Variants in UGT1A4 observed in about 807,000 individuals in gnomAD.
UGT1A4 encodes UDP glucuronosyltransferase family 1 member A4.
A neutral mutation model predicts 41.1 loss-of-function variants in UGT1A4; 32 were observed. That is an observed-to-expected ratio of 0.78 (90% CI 0.59 to 1.05). UGT1A4 has a LOEUF of 1.05. Ranked by LOEUF, UGT1A4 falls within the 50% of genes least tolerant of loss-of-function variation. The pLI is 0.00. For missense variants in UGT1A4, 748 were observed against 677.4 expected (o/e 1.10, Z -1.16); for synonymous variants, 283 against 265.1 (o/e 1.07, Z -0.66).
In UGT1A4 at chr2:233,769,362, G is replaced by A. The variant is rs1315939386; in HGVS notation, c.1307+923G>A. On this transcript the variant is annotated intron_variant, in intron 4 of 4. Coordinates refer to ENST00000373409, the MANE Select transcript of UGT1A4 (RefSeq NM_007120.3). The surrounding 1 kb of genome is among the most constrained non-coding windows in gnomAD (Gnocchi z 4.4). ...ACCTTATGGGAAGAAGTGGTGGCCAGTGGTAGATTTCATCCGACAATAGAT... is the reference window on the plus strand; with the variant it reads ...ACCTTATGGGAAGAAGTGGTGGCCAATGGTAGATTTCATCCGACAATAGAT... Among the ~76,000 whole-genome samples, 1 of 152,244 alleles carries A rather than the reference G, an allele frequency of 6.6e-6. No homozygotes were observed.
At chr2:233,730,201 G>A (rs1312808089) in intron 1 of UGT1A4, among the ~76,000 whole-genome samples, 2 of 152,190 alleles carry the variant, frequency 1.3e-5, no homozygotes, top group Non-Finnish European at 2.9e-5. Context: ...AGAGGAAGAG[G>A]AAGTAGACAC....
chr2:233,724,899 C>G lies in UGT1A4; in HGVS notation c.867+5212C>G, dbSNP rs1488264154. On this transcript the variant is annotated intron_variant, in intron 1 of 4. Transcript: ENST00000373409. ...CGGAGATCACGCCACTGCACTCCAGCCTGGGCACCATTGAGCACTGAGTGA... is the reference window on the plus strand; with the variant it reads ...CGGAGATCACGCCACTGCACTCCAGGCTGGGCACCATTGAGCACTGAGTGA... Among the ~76,000 whole-genome samples the G allele has an allele frequency of 2.9e-5, 4 of 138,200 alleles. No homozygotes were observed. In the East Asian group the frequency reaches 8.6e-4, roughly 30 times the overall value. The allele number at this position is 138,200 out of a possible 152,430, so 90.7% of individuals were successfully genotyped here.
intron 1 of UGT1A4, chr2:233,754,945 G>A (rs1342760083): frequency 7.5e-7 from 1 of 1,327,414 alleles, no homozygotes; most frequent in Admixed American, 1.9e-5. Flanking sequence ...AAGGAGAATG[G>A]GTCCCGGCCG....
chr2:233,766,377 AATGT>A (rs1451884562), intron 1 of UGT1A4, among the ~76,000 whole-genome samples: 1 of 151,914 alleles, frequency 6.6e-6, no homozygotes, highest in Non-Finnish European at 1.5e-5. Context: ...AGTTCTTCTC[AATGT>A]CCAGCTGTCC....
In UGT1A4 at chr2:233,772,443, T is replaced by A; in HGVS notation, c.1489T>A (p.Leu497Met). 6.2e-7 allele frequency: 1 copy of A among 1,614,238 alleles called. No homozygotes were observed. The highest frequency in any genetic ancestry group is 8.5e-7 in the Non-Finnish European group (1 of 1,180,046). ...YHSLDVIGFLLAVVLTVAFIT... is the reference protein window; with the variant it reads ...YHSLDVIGFLMAVVLTVAFIT... ...TTCCTTGGACGTGATTGGTTTCCTCTTGGCCGTCGTGCTGACAGTGGCCTT... is the reference window on the plus strand; with the variant it reads ...TTCCTTGGACGTGATTGGTTTCCTCATGGCCGTCGTGCTGACAGTGGCCTT... Residue 497 changes from leucine (L) to methionine (M), a missense_variant, in exon 5 of 5, where the codon TTG becomes ATG. Coordinates refer to ENST00000373409, the MANE Select transcript of UGT1A4 (RefSeq NM_007120.3).
At chr2:233,763,025 C>T (rs532955500) in intron 1 of UGT1A4, among the ~76,000 whole-genome samples, 9 of 152,224 alleles carry the variant, frequency 5.9e-5, no homozygotes, top group African/African-American at 2.2e-4. Context: ...ATTATGTTAG[C>T]CATTGTTTTC....
At chr2:233,765,924 G>C (rs1285485148) in intron 1 of UGT1A4, among the ~76,000 whole-genome samples, 1 of 152,060 alleles carries the variant, frequency 6.6e-6, no homozygotes, top group East Asian at 1.9e-4. Context: ...GCATACAGAC[G>C]GGCAGGTTGT....
At chr2:233,765,047 G>T (rs1698737192) in intron 1 of UGT1A4, among the ~76,000 whole-genome samples, 1 of 151,990 alleles carries the variant, frequency 6.6e-6, no homozygotes, top group Non-Finnish European at 1.5e-5. Context: ...AATTGCGTTT[G>T]CTGAGCCCTG....
At chr2:233,756,672 A>T (rs1246322346) in intron 1 of UGT1A4, among the ~76,000 whole-genome samples, 1 of 152,212 alleles carries the variant, frequency 6.6e-6, no homozygotes, top group Non-Finnish European at 1.5e-5. Context: ...TATTTCCGCT[A>T]GAACTGCTAT....
chr2:233,737,911 GGC>G (rs1690629306), intron 1 of UGT1A4, among the ~76,000 whole-genome samples: 4 of 152,098 alleles, frequency 2.6e-5, no homozygotes, highest in African/African-American at 4.8e-5. Flanking sequence ...GTAAAGAACA[GGC>G]TAGTGTATTT....
At position 233,768,551 on chromosome 2, in the gene UGT1A4, A is replaced by G. The variant is rs1699641302; in HGVS notation, c.1307+112A>G. The G allele has an allele frequency of 4.1e-6, 6 of 1,478,370 alleles. No individual in the cohort carries two copies. The East Asian group carries it at 1.5e-4, about 37-fold the overall frequency. 91.6% of individuals were successfully genotyped at this position (1,478,370 alleles called of 1,614,324 possible). A position where few individuals can be genotyped will look rare whatever the true frequency, so the allele number is the denominator to read the frequency against. The stretch of plus-strand genomic sequence containing the variant: ...ATAGCGTTGTTTCAAATATAAAAAC[A>G]AATACATAAAAATCTGGATTTTTAT... On this transcript the variant is annotated intron_variant, in intron 4 of 4. Transcript: ENST00000373409.
At chr2:233,755,240 T>C (rs995550231) in intron 1 of UGT1A4, 23 of 876,322 alleles carry the variant, frequency 2.6e-5, no homozygotes, top group Admixed American at 5.9e-5. Context: ...CCTACCGGGG[T>C]ACTCCCAGCA....
rs773195449 is a variant in UGT1A4, at chr2:233,767,876, C to T, written c.1027C>T (p.Pro343Ser). 2 of 1,614,178 alleles carry T rather than the reference C, an allele frequency of 1.2e-6. No homozygotes were observed. The highest frequency in any genetic ancestry group is 3.3e-5 in the Admixed American group (2 of 60,012). ...CCTGTGGCGGTACACTGGAACCCGACCATCGAATCTTGCGAACAACACGAT... is the reference window on the plus strand; with the variant it reads ...CCTGTGGCGGTACACTGGAACCCGATCATCGAATCTTGCGAACAACACGAT... The part of the protein sequence containing the change: ...TVLWRYTGTR[P>S]SNLANNTILV... Residue 343 changes from proline (P) to serine (S), a missense_variant, in exon 3 of 5, where the codon CCA (proline) becomes TCA (serine). By Grantham distance (74) the Pro-to-Ser change is moderately conservative. Coordinates refer to ENST00000373409, the MANE Select transcript of UGT1A4 (RefSeq NM_007120.3).
chr2:233,719,282 TAACCTCTGTGGGGC>T lies in UGT1A4; in HGVS notation c.463_476del (p.Asn155GlyfsTer4), dbSNP rs1452808261. ...TTGATGTGGTTTTAACAGACCCCGT[TAACCTCTGTGGGGC>T]GGTGCTGGCTAAGTACCTGTCGATT... On this transcript the variant is annotated frameshift_variant, in exon 1 of 5. Coordinates refer to ENST00000373409, the MANE Select transcript of UGT1A4 (RefSeq NM_007120.3). LOFTEE classifies it high-confidence loss of function. 1.2e-6 allele frequency: 2 copies of T among 1,614,148 alleles called. No homozygotes were observed. The highest frequency in any genetic ancestry group is 1.7e-6 in the Non-Finnish European group (2 of 1,179,990).
chr2:233,729,414 C>T (rs1422584359), intron 1 of UGT1A4: 3 of 1,613,716 alleles, frequency 1.9e-6, no homozygotes, highest in Non-Finnish European at 2.5e-6. Context: ...TGCTGGGCCA[C>T]ACTCAACTGT....
rs28900377 is a variant in UGT1A4 at position 233,743,611 on chromosome 2, C to T, written c.868-23423C>T. The T allele has an allele frequency of 3.6e-3, 4,908 of 1,367,342 alleles. 268 individuals are homozygous for T. The African/African-American group carries it at 0.064, about 18-fold the overall frequency. The allele number at this position is 1,367,342 out of a possible 1,614,324, so 84.7% of individuals were successfully genotyped here. The stretch of plus-strand genomic sequence containing the variant: ...AGAATGGGTCCTGGCCGCCGAAGAA[C>T]TCCCTGAAGACGTCGGCTGGGTCGC... On this transcript the variant is annotated intron_variant, in intron 1 of 4. Transcript: ENST00000373409.
In UGT1A4 at chr2:233,768,425, C is replaced by T. The variant is rs1021872145; in HGVS notation, c.1293C>T (p.Val431=). Residue 431 remains valine, a synonymous_variant, in exon 4 of 5, where the codon GTC becomes GTT. Transcript: ENST00000373409. The part of the protein sequence containing the change: ...SEDLENALKA[V]INDKSYKENI... ...ATTTAGAAAATGCTCTAAAAGCAGT[C>T]ATCAATGACAAAAGGTAAGAAAGAA... 1.2e-6 allele frequency: 2 copies of T among 1,613,876 alleles called. No homozygotes were observed. The highest frequency in any genetic ancestry group is 1.7e-5 in the Admixed American group (1 of 59,984).
intron 1 of UGT1A4, chr2:233,754,902 A>G: frequency 7.4e-7 from 1 of 1,352,320 alleles, no homozygotes. Flanking sequence ...CTGACCCCCC[A>G]AAATATTCTC....
intron 1 of UGT1A4, chr2:233,747,628 G>A (rs767343717): frequency 1.6e-4 from 253 of 1,579,014 alleles, no homozygotes; most frequent in Non-Finnish European, 2.0e-4. Flanking sequence ...GCCCTGATCA[G>A]GCACCTGAAT....
Sources: allele counts gnomAD v4.1 joint callset (sites outside exome capture counted in the v4.1 genomes callset), GRCh38; gene constraint gnomAD v4.1.1; non-coding constraint Gnocchi (gnomAD v3.1); transcripts MANE v1.5; gene names NCBI Gene and HGNC (gene_info 2026-07-23, HGNC 2026-07-21).